NHSL1: variants seen among roughly 807,000 people sequenced by gnomAD.
NHSL1 encodes NHS like 1, also known as NHS-like protein 1.
NHSL1 carries 48 observed loss-of-function variants against 95.0 expected under a neutral mutation model. The observed-to-expected ratio is 0.51, with a 90% CI of 0.40 to 0.64. The LOEUF (loss-of-function observed/expected upper bound fraction) is 0.64, where lower values mean the gene tolerates loss of function less well. Ranked by LOEUF, NHSL1 falls within the 30% of genes least tolerant of loss-of-function variation. The pLI is 0.00. For synonymous variants in NHSL1, 783 were observed against 833.9 expected, an observed-to-expected ratio of 0.94 and a Z score of 1.05; for missense variants, 1,971 against 2,077.7, an observed-to-expected ratio of 0.95 and a Z score of 1.00.
intron 1 of NHSL1, among the ~76,000 whole-genome samples, chr6:138,623,005 T>TA (rs1288563707): frequency 6.6e-6 from 1 of 151,936 alleles, no homozygotes; most frequent in African/African-American, 2.4e-5. Context: ...GAAAGTAACA[T>TA]ACGCATAATA....
chr6:138,433,774 T>A (rs964760901), intron 5 of NHSL1, 94 bp from the exon 6 acceptor site: 91 of 1,394,282 alleles, frequency 6.5e-5, no homozygotes, highest in East Asian at 2.9e-4. Context: ...TTTAAAAAAA[T>A]TTTTCTATTT....
At chr6:138,530,204 C>T (rs920089662) in intron 1 of NHSL1, among the ~76,000 whole-genome samples, 1 of 152,204 alleles carries the variant, frequency 6.6e-6, no homozygotes, top group Middle Eastern at 3.4e-3. Flanking sequence ...AAAATTAGTG[C>T]ACCTACAAAA....
intron 1 of NHSL1, among the ~76,000 whole-genome samples, chr6:138,635,402 T>C (rs1583460006): frequency 6.6e-6 from 1 of 152,202 alleles, no homozygotes; most frequent in South Asian, 2.1e-4. Flanking sequence ...TAGTGGCTAC[T>C]ATGGGCAATT....
At chr6:138,441,896 C>T in intron 5 of NHSL1, 87 bp downstream of exon 5, 7 of 1,276,208 alleles carry the variant, frequency 5.5e-6, no homozygotes, top group East Asian at 2.9e-5. Context: ...CAGAATGTAT[C>T]GATTTTATAA....
At chr6:138,632,889 G>A (rs11154988) in intron 1 of NHSL1, among the ~76,000 whole-genome samples, 27,071 of 151,990 alleles carry the variant, frequency 0.18, 2,527 homozygotes, top group South Asian at 0.25. Context: ...GACCAATCCT[G>A]GAGAAAGAGA....
At chr6:138,520,280 C>CTTTTTTTTT (rs397888767) in intron 1 of NHSL1, among the ~76,000 whole-genome samples, 1 of 80,926 alleles carries the variant, frequency 1.2e-5, no homozygotes, top group African/African-American at 4.6e-5. Context: ...TAGTTTAATT[C>CTTTTTTTTT]TTTTTTTTTT....
intron 1 of NHSL1, among the ~76,000 whole-genome samples, chr6:138,584,182 T>C (rs1349487122): frequency 6.6e-6 from 1 of 152,190 alleles, no homozygotes; most frequent in Middle Eastern, 3.2e-3. Flanking sequence ...AAAGGAACCA[T>C]AGACTTGGTA....
intron 3 of NHSL1, among the ~76,000 whole-genome samples, chr6:138,468,463 TG>T (rs1778533801): frequency 1.3e-5 from 2 of 152,212 alleles, no homozygotes; most frequent in African/African-American, 4.8e-5. Flanking sequence ...CAAGCATTAC[TG>T]CCTGAGCTCC....
chr6:138,632,032 A>G (rs144235448), intron 1 of NHSL1, among the ~76,000 whole-genome samples: 11 of 151,976 alleles, frequency 7.2e-5, no homozygotes, highest in African/African-American at 2.7e-4. Context: ...ATTCATCACT[A>G]GCTCACTGAA....
In NHSL1 at chr6:138,422,815, T is replaced by C. The variant is rs930840825; in HGVS notation, c.*1266A>G. ...ATGATGCAAAAAAACCTTTTTAATC[T>C]AAAAATTCATTTCCCAGGGCTAATT... On this transcript the variant is annotated 3_prime_UTR_variant, in exon 8 of 8. Coordinates refer to ENST00000343505, the MANE Select transcript of NHSL1 (RefSeq NM_001144060.2). The C allele has an allele frequency of 2.0e-5, 3 of 152,194 alleles. No homozygotes were observed. Among genetic ancestry groups the C allele is most frequent in the Admixed American group, 6.5e-5 (1 of 15,286 alleles). The allele number at this position is 152,194 out of a possible 1,614,324, so 9.4% of individuals were successfully genotyped here.
chr6:138,428,042 G>A (rs1353098817), intron 7 of NHSL1, among the ~76,000 whole-genome samples: 1 of 152,086 alleles, frequency 6.6e-6, no homozygotes, highest in East Asian at 1.9e-4. Context: ...CACATTTTTC[G>A]ATGCCTTAAG....
chr6:138,559,185 T>C (rs2128338758), intron 1 of NHSL1, among the ~76,000 whole-genome samples: 2 of 152,352 alleles, frequency 1.3e-5, no homozygotes, highest in Middle Eastern at 6.8e-3. Context: ...TCACAACTAA[T>C]TTTCCCCTAT....
At chr6:138,429,180 G>A (rs113591107) in intron 7 of NHSL1, among the ~76,000 whole-genome samples, 5,396 of 152,234 alleles carry the variant, frequency 0.035, 277 homozygotes, top group African/African-American at 0.11. Flanking sequence ...ACAAGCATAA[G>A]TCATTCTTTT....
intron 1 of NHSL1, among the ~76,000 whole-genome samples, chr6:138,562,023 G>A (rs534801551): frequency 4.6e-5 from 7 of 152,290 alleles, no homozygotes; most frequent in South Asian, 2.1e-4. Flanking sequence ...TGAATTCAAC[G>A]GAACAGAGAA....
intron 1 of NHSL1, among the ~76,000 whole-genome samples, chr6:138,681,027 G>A (rs1785505351): frequency 6.6e-6 from 1 of 152,122 alleles, no homozygotes; most frequent in African/African-American, 2.4e-5. Flanking sequence ...TTATTCCAAT[G>A]TTAATTAATC....
intron 1 of NHSL1, among the ~76,000 whole-genome samples, chr6:138,598,628 A>T (rs867953565): frequency 1.2e-4 from 6 of 50,542 alleles, no homozygotes; most frequent in Admixed American, 7.8e-4. Flanking sequence ...CATCTGGAAG[A>T]AAAAAAAAAA....
At chr6:138,553,965 A>G (rs148595958) in intron 1 of NHSL1, among the ~76,000 whole-genome samples, 4 of 152,314 alleles carry the variant, frequency 2.6e-5, no homozygotes, top group African/African-American at 7.2e-5. Context: ...AGGAAGAAAA[A>G]TATTTTCTGG....
At chr6:138,562,894 T>C (rs1783466832) in intron 1 of NHSL1, among the ~76,000 whole-genome samples, 1 of 152,150 alleles carries the variant, frequency 6.6e-6, no homozygotes, top group South Asian at 2.1e-4. Context: ...TTACTTACTA[T>C]CTGCAAAGTG....
intron 3 of NHSL1, among the ~76,000 whole-genome samples, chr6:138,451,785 A>G (rs1398105935): frequency 2.6e-5 from 4 of 152,230 alleles, no homozygotes; most frequent in African/African-American, 9.7e-5. Flanking sequence ...GTAAAATAAC[A>G]ATGTGGCAAT....
Sources: allele counts gnomAD v4.1 joint callset (sites outside exome capture counted in the v4.1 genomes callset), GRCh38; gene constraint gnomAD v4.1.1; transcripts MANE v1.5; gene names NCBI Gene and HGNC (gene_info 2026-07-23, HGNC 2026-07-21).